The following CNIH3 variants were observed in gnomAD, a reference collection of about 807,000 sequenced individuals.
CNIH3 encodes the protein cornichon family AMPA receptor auxiliary protein 3.
Under a neutral mutation model 24.1 loss-of-function variants are expected in CNIH3, and 14 were observed. That is an observed-to-expected ratio of 0.58 (90% confidence interval 0.38 to 0.91). The LOEUF (loss-of-function observed/expected upper bound fraction) is 0.91, where lower values mean the gene tolerates loss of function less well. CNIH3 is among the 40% of genes least tolerant of loss of function. The pLI is 0.00. For missense variants in CNIH3, 178 were observed against 196.8 expected, an observed-to-expected ratio of 0.90 and a Z score of 0.57; for synonymous variants, 68 against 73.8, an observed-to-expected ratio of 0.92 and a Z score of 0.40.
rs138343023 is a variant in CNIH3 at position 224,547,638 on chromosome 1, T to A, written n.450+699T>A. On this transcript the variant is annotated intron_variant and non_coding_transcript_variant, in intron 3 of 5. Coordinates refer to the CNIH3 transcript ENST00000471578. ...TGCGTGTACACCCCGTGATATTATT[T>A]GTAATATCTAAGCGAGGTATTACTC... 1.7e-4 allele frequency among the ~76,000 whole-genome samples: 26 copies of A among 151,970 alleles called. 1 individual carries two copies. In the East Asian group the frequency reaches 3.7e-3, roughly 21 times the overall value.
chr1:224,680,965 C>T lies in CNIH3; in HGVS notation c.89C>T (p.Ala30Val). 7 of 1,613,182 alleles carry T rather than the reference C, an allele frequency of 4.3e-6. No individual in the cohort carries two copies. Among genetic ancestry groups the T allele is most frequent in the Non-Finnish European group, 5.9e-6 (7 of 1,179,196 alleles). ...CTCTGTATTCTGTTTCAGATAATTG[C>T]CTTTGATGAGTTAAGGACAGATTTT... ...LIFFAIWHIIAFDELRTDFKS... is the reference protein window; with the variant it reads ...LIFFAIWHIIVFDELRTDFKS... Residue 30 changes from alanine to valine, a missense_variant, in exon 2 of 6, where the codon GCC becomes GTC. Ala to Val is a moderately conservative substitution (Grantham distance 64). Coordinates refer to ENST00000272133, the MANE Select transcript of CNIH3 (RefSeq NM_152495.2).
intron 1 of CNIH3, among the ~76,000 whole-genome samples, chr1:224,650,756 C>T (rs1381702149): frequency 1.3e-5 from 2 of 152,062 alleles, no homozygotes; most frequent in African/African-American, 4.8e-5. Flanking sequence ...GAGTAAAAGT[C>T]AGGAAAGATT....
chr1:224,555,377 C>G (rs1680094333), intron 3 of CNIH3, among the ~76,000 whole-genome samples: 1 of 152,170 alleles, frequency 6.6e-6, no homozygotes, highest in Admixed American at 6.5e-5. Context: ...AATGGCCCTT[C>G]TTTCCTTGTT....
intron 1 of CNIH3, among the ~76,000 whole-genome samples, chr1:224,465,441 C>T (rs2102989756): frequency 6.6e-6 from 1 of 152,324 alleles, no homozygotes; most frequent in East Asian, 1.9e-4. Flanking sequence ...TCACAGTCTA[C>T]CTTCAAGTTA....
intron 3 of CNIH3, among the ~76,000 whole-genome samples, chr1:224,556,730 C>T (rs1680155838): frequency 6.6e-6 from 1 of 152,194 alleles, no homozygotes; most frequent in Non-Finnish European, 1.5e-5. Flanking sequence ...AGGCAGAGCT[C>T]AGGCAGTAGT....
intron 2 of CNIH3, among the ~76,000 whole-genome samples, chr1:224,535,807 G>T (rs897484637): frequency 1.3e-5 from 2 of 152,212 alleles, no homozygotes; most frequent in Non-Finnish European, 2.9e-5. Context: ...AGGAGGCAGG[G>T]CAAGGGCCTA....
intron 4 of CNIH3, among the ~76,000 whole-genome samples, chr1:224,567,151 C>G (rs1416484817): frequency 1.3e-5 from 2 of 152,170 alleles, no homozygotes. Context: ...TGTTTGTTGG[C>G]TGCATAAATG....
At chr1:224,590,633 T>C (rs1033755050), downstream of CNIH3, among the ~76,000 whole-genome samples, 55 of 152,304 alleles carry the variant, frequency 3.6e-4, no homozygotes, top group Admixed American at 7.2e-4. Flanking sequence ...GCCCTTTTTA[T>C]AATTGGCATT....
Position 224,575,752 on chromosome 1 carries a change from GA to G in CNIH3, n.517-7401del, listed in dbSNP as rs575446813. ...ACCTCAAATAAATGTGCTTTTTGTG[GA>G]AAAAAAAAAACTCACTGAAGAAAAA... On this transcript the variant is annotated intron_variant and non_coding_transcript_variant, in intron 4 of 5. Coordinates refer to the CNIH3 transcript ENST00000471578. 4.9e-3 allele frequency among the ~76,000 whole-genome samples: 709 copies of G among 143,858 alleles called. 6 individuals carry two copies. Among genetic ancestry groups the G allele is most frequent in the South Asian group, 0.036 (163 of 4,556 alleles). 94.4% of individuals were successfully genotyped at this position (143,858 alleles called of 152,430 possible).
At chr1:224,687,181 A>G (rs1558293928) in intron 3 of CNIH3, among the ~76,000 whole-genome samples, 2 of 152,214 alleles carry the variant, frequency 1.3e-5, no homozygotes, top group Non-Finnish European at 2.9e-5. Flanking sequence ...GTAGCACTGG[A>G]GTGGCCAGCA....
Position 224,733,895 on chromosome 1 carries a change from G to A in CNIH3, c.312-668G>A, listed in dbSNP as rs559310591. 8.5e-4 allele frequency among the ~76,000 whole-genome samples: 130 copies of A among 152,230 alleles called. 1 individual carries two copies. Among genetic ancestry groups the A allele is most frequent in the Middle Eastern group, 6.8e-3 (2 of 294 alleles). On this transcript the variant is annotated intron_variant, in intron 4 of 5. Coordinates refer to ENST00000272133, the MANE Select transcript of CNIH3 (RefSeq NM_152495.2). ...TGCCCCAGGTCTCACCAAGCCTGAC[G>A]GCTCCCCTCCTCAGGGGCTGTGGCC...
Position 224,447,912 on chromosome 1 carries a change from G to T in CNIH3, n.203+13050G>T, listed in dbSNP as rs540896033. Among the ~76,000 whole-genome samples, 3 of 152,274 alleles carry T rather than the reference G, an allele frequency of 2.0e-5. 1 individual carries two copies. The South Asian group carries it at 6.2e-4, about 32-fold the overall frequency. The stretch of plus-strand genomic sequence containing the variant: ...TAACATTATTATTGTTTTTACAAGG[G>T]TAGAAACTAAGGCACAGAGGGGCTA... On this transcript the variant is annotated intron_variant and non_coding_transcript_variant, in intron 1 of 5. Transcript: ENST00000471578.
chr1:224,558,906 T>A (rs16849590), intron 3 of CNIH3, among the ~76,000 whole-genome samples: 2,781 of 152,348 alleles, frequency 0.018, 58 homozygotes, highest in East Asian at 0.088. Context: ...TATATTGCTG[T>A]GAACTAGTAA....
At chr1:224,448,249 CA>C (rs982581841) in intron 1 of CNIH3, among the ~76,000 whole-genome samples, 2 of 134,846 alleles carry the variant, frequency 1.5e-5, no homozygotes, top group Admixed American at 1.4e-4. Flanking sequence ...AAAAAACACA[CA>C]AAAAAAATCA....
chr1:224,464,798 CATTTT>C (rs1354908090), intron 1 of CNIH3, among the ~76,000 whole-genome samples: 3 of 151,900 alleles, frequency 2.0e-5, no homozygotes, highest in African/African-American at 7.3e-5. Flanking sequence ...GATTTTATTT[CATTTT>C]ATTTTATTTA....
intron 1 of CNIH3, among the ~76,000 whole-genome samples, chr1:224,622,036 C>A (rs1263497691): frequency 6.6e-6 from 1 of 152,202 alleles, no homozygotes; most frequent in Non-Finnish European, 1.5e-5. Context: ...GCTCCTCCTT[C>A]ACCTTCTGCC....
At chr1:224,659,550 G>T (rs918256736) in intron 1 of CNIH3, among the ~76,000 whole-genome samples, 2 of 152,124 alleles carry the variant, frequency 1.3e-5, no homozygotes, top group African/African-American at 4.8e-5. Flanking sequence ...GAATTAATCA[G>T]ATACAGGAAG....
At chr1:224,634,631 C>T (rs1315208403) in intron 1 of CNIH3, among the ~76,000 whole-genome samples, 1 of 151,734 alleles carries the variant, frequency 6.6e-6, no homozygotes, top group Non-Finnish European at 1.5e-5. Flanking sequence ...CCAGTCAGTG[C>T]AGGCCCAAAT....
At chr1:224,688,438 A>T (rs1686764427) in intron 3 of CNIH3, among the ~76,000 whole-genome samples, 1 of 152,080 alleles carries the variant, frequency 6.6e-6, no homozygotes, top group Non-Finnish European at 1.5e-5. Context: ...ATTCACTGTC[A>T]TGGGCTGTGA....
Sources: gnomAD v4.1 joint callset for allele counts (sites outside exome capture counted in the v4.1 genomes callset) on GRCh38, gnomAD v4.1.1 for gene constraint, MANE v1.5 for transcripts, NCBI Gene and HGNC (gene_info 2026-07-23, HGNC 2026-07-21) for gene names.